Variants in CROCC2 observed in about 807,000 individuals in gnomAD.
CROCC2 encodes the protein ciliary rootlet coiled-coil protein 2.
Under a neutral mutation model 177.6 loss-of-function variants are expected in CROCC2, and 163 were observed. The ratio of observed to expected loss-of-function variants is 0.92; its 90% CI spans 0.81 to 1.05. CROCC2 has a LOEUF of 1.05. Among genes scored for constraint, CROCC2 ranks in the 50% least tolerant of loss-of-function variants. CROCC2 has a pLI of 0.00. For synonymous variants in CROCC2, 904 were observed against 787.3 expected, an observed-to-expected ratio of 1.15 and a Z score of -2.48; for missense variants, 1,929 against 1,797.8, an observed-to-expected ratio of 1.07 and a Z score of -1.32.
Position 240,932,839 on chromosome 2 carries a change from C to A in CROCC2, c.1182C>A (p.Ser394=). 6.5e-7 allele frequency: 1 copy of A among 1,544,820 alleles called. No individual in the cohort carries two copies. ...GGGCGTCCCCACCACACATCTGCTC[C>A]CCAGCCACCCTGGACCCCGCACTGC... ...HQGASPPHIC[S]PATLDPALQA... The change falls in exon 9 of 32, where the codon TCC becomes TCA. Residue 394 remains serine, a synonymous_variant. Transcript: ENST00000690015.
chr2:240,925,633 T>C (rs2059390963), intron 4 of CROCC2, 91 bp from the exon 5 acceptor site: 1 of 621,800 alleles, frequency 1.6e-6, no homozygotes, highest in African/African-American at 1.8e-5. Flanking sequence ...GGGTTTGGGG[T>C]TCCATTCAAG....
chr2:240,921,280 G>A (rs1350538880), intron 3 of CROCC2, among the ~76,000 whole-genome samples: 1 of 152,104 alleles, frequency 6.6e-6, no homozygotes, highest in African/African-American at 2.4e-5. Context: ...ATCACGCCCT[G>A]ACCCCCACAC....
chr2:240,933,462 T>G, intron 10 of CROCC2, 120 bp downstream of exon 10: 1 of 1,189,358 alleles, frequency 8.4e-7, no homozygotes, highest in Non-Finnish European at 1.1e-6. Context: ...GGAGGGGTCC[T>G]TGCCTTCTAG....
At chr2:240,985,818 C>A in intron 28 of CROCC2, 1 of 393,884 alleles carries the variant, frequency 2.5e-6, no homozygotes, top group Non-Finnish European at 5.2e-6. Context: ...CCCAGGCACT[C>A]ACTCCACACA....
chr2:240,926,279 C>A (rs1190298753), intron 5 of CROCC2, among the ~76,000 whole-genome samples: 1 of 152,220 alleles, frequency 6.6e-6, no homozygotes, highest in Non-Finnish European at 1.5e-5. Flanking sequence ...TGGCCGTGGC[C>A]CCCCAGGTCC....
rs2059605598 is a variant in CROCC2, at chr2:240,958,165, G to GGC, written c.2944-1133_2944-1132dup. 1 of 985,304 alleles carries GGC rather than the reference G, an allele frequency of 1.0e-6. No individual in the cohort carries two copies. The highest frequency in any genetic ancestry group is 4.7e-5 in the South Asian group (1 of 21,296). 61.0% of individuals were successfully genotyped at this position (985,304 alleles called of 1,614,324 possible). A position where few individuals can be genotyped will look rare whatever the true frequency, so the allele number is the denominator to read the frequency against. On this transcript the variant is annotated intron_variant, in intron 19 of 31. Transcript: ENST00000690015. This position sits in a 1 kb window ranked among gnomAD's most constrained non-coding sequence, Gnocchi z 6.7. ...GAGGAATGCCGGCCAAGGAGCACCA[G>GGC]GCGCCAGATGACAGGACAGCGTGCG...
Position 240,988,890 on chromosome 2 carries a change from C to G in CROCC2, c.4683+20C>G. 2.1e-6 allele frequency: 3 copies of G among 1,431,176 alleles called. No individual in the cohort carries two copies. The South Asian group carries it at 4.6e-5, about 22-fold the overall frequency. The allele number at this position is 1,431,176 out of a possible 1,614,324, so 88.7% of individuals were successfully genotyped here. ...CTGCAGGTCAACTGGGCCAGTGGAG[C>G]TCTGCATACCCCAGGCCTGGGGGCA... On this transcript the variant is annotated intron_variant, in intron 29 of 31. Transcript: ENST00000690015.
Position 240,982,671 on chromosome 2 carries a change from C to T in CROCC2, c.4402-209C>T, listed in dbSNP as rs1224317806. On this transcript the variant is annotated intron_variant, in intron 27 of 31. Transcript: ENST00000690015. The surrounding 1 kb of genome is among the most constrained non-coding windows in gnomAD (Gnocchi z 4.7). ...CCCCCAGGACTTTCGTCTCAGGCTT[C>T]CTGGGGGTCCACACCTTTGAGGTTA... 3 of 505,140 alleles carry T rather than the reference C, an allele frequency of 5.9e-6. No homozygotes were observed. The highest frequency in any genetic ancestry group is 3.5e-6 in the Non-Finnish European group (1 of 288,278). 31.3% of individuals were successfully genotyped at this position (505,140 alleles called of 1,614,324 possible).
At chr2:240,943,574 GC>G (rs1412132672) in intron 14 of CROCC2, among the ~76,000 whole-genome samples, 4 of 148,756 alleles carry the variant, frequency 2.7e-5, no homozygotes, top group Non-Finnish European at 4.5e-5. Context: ...TGCAACCTCC[GC>G]CTCCTGGGTT....
At chr2:240,913,002 G>A (rs1245665701) in intron 1 of CROCC2, among the ~76,000 whole-genome samples, 2 of 152,196 alleles carry the variant, frequency 1.3e-5, no homozygotes, top group Non-Finnish European at 2.9e-5. Flanking sequence ...AGAGGCAGAT[G>A]CTCAGCCCAT....
chr2:240,984,344 C>T (rs2059821109), intron 28 of CROCC2, among the ~76,000 whole-genome samples: 1 of 152,022 alleles, frequency 6.6e-6, no homozygotes, highest in African/African-American at 2.4e-5. Context: ...GAGGGGCGCA[C>T]AGCCGCCAGG....
chr2:240,958,040 G>A lies in CROCC2; in HGVS notation c.2944-1261G>A. The A allele has an allele frequency of 3.0e-6, 3 of 985,406 alleles. No homozygotes were observed. Among genetic ancestry groups the A allele is most frequent in the Non-Finnish European group, 3.6e-6 (3 of 829,924 alleles). The allele number at this position is 985,406 out of a possible 1,614,324, so 61.0% of individuals were successfully genotyped here. A position where few individuals can be genotyped will look rare whatever the true frequency, so the allele number is the denominator to read the frequency against. Reference sequence around the variant, plus strand: ...GAGTCTCCCCCGGACTCGGTACCAGGCCTGCCAGCCAGCCGGCCTTCCTGG... The same window carrying A: ...GAGTCTCCCCCGGACTCGGTACCAGACCTGCCAGCCAGCCGGCCTTCCTGG... On this transcript the variant is annotated intron_variant, in intron 19 of 31. Transcript: ENST00000690015. This position sits in a 1 kb window ranked among gnomAD's most constrained non-coding sequence, Gnocchi z 6.7.
At chr2:240,981,489 G>C (rs1187876225) in intron 27 of CROCC2, 2 of 152,202 alleles carry the variant, frequency 1.3e-5, no homozygotes, top group Non-Finnish European at 2.9e-5. Context: ...GGGGCCAGTG[G>C]GGCTGTGCAT....
In CROCC2 at chr2:240,973,453, G is replaced by A. The variant is rs149284329; in HGVS notation, c.4401+5191G>A. 5.8e-3 allele frequency among the ~76,000 whole-genome samples: 876 copies of A among 152,018 alleles called. 7 individuals are homozygous for A. The highest frequency in any genetic ancestry group is 9.9e-3 in the Non-Finnish European group (674 of 67,984). On this transcript the variant is annotated intron_variant, in intron 27 of 31. Coordinates refer to ENST00000690015, the MANE Select transcript of CROCC2 (RefSeq NM_001351305.2). This position sits in a 1 kb window ranked among gnomAD's most constrained non-coding sequence, Gnocchi z 4.7. ...CCCCCCATGCCACCCTTGGACTGGC[G>A]CCCAGTCACAGCCTCCGTGGCTCAG...
At position 240,934,356 on chromosome 2, in the gene CROCC2, G is replaced by A. The variant is rs1361525318; in HGVS notation, c.1672G>A (p.Glu558Lys). The A allele has an allele frequency of 3.2e-6, 5 of 1,548,568 alleles. No individual in the cohort carries two copies. The highest frequency in any genetic ancestry group is 4.4e-6 in the Non-Finnish European group (5 of 1,146,916). The stretch of plus-strand genomic sequence containing the variant: ...TCAAGGCCGCCTGCAGCAGCTGGAG[G>A]AGAAGGTCTCCGGGCTCAGAGAGGA... Reference protein sequence around the residue: ...TSQGRLQQLEEKVSGLREELA... With the variant: ...TSQGRLQQLEKKVSGLREELA... The change falls in exon 12 of 32, where the codon GAG (glutamate) becomes AAG (lysine). Residue 558 changes from glutamate to lysine, a missense_variant. Transcript: ENST00000690015.
chr2:240,936,149 C>T (rs532395235), intron 14 of CROCC2, among the ~76,000 whole-genome samples: 174 of 152,330 alleles, frequency 1.1e-3, no homozygotes, highest in Admixed American at 3.5e-3. Context: ...ACCCTCCTTC[C>T]GTTTTCAGAT....
chr2:240,966,904 C>T (rs1340929094), intron 25 of CROCC2, among the ~76,000 whole-genome samples: 2 of 151,880 alleles, frequency 1.3e-5, no homozygotes, highest in Non-Finnish European at 2.9e-5. Context: ...AGGCCCTGAG[C>T]CCTGGCCAGG....
At chr2:240,913,510 C>T (rs541892238) in intron 1 of CROCC2, among the ~76,000 whole-genome samples, 3 of 152,316 alleles carry the variant, frequency 2.0e-5, no homozygotes, top group East Asian at 1.9e-4. Context: ...GCGCTGTGTC[C>T]GAGCCTGTCT....
intron 5 of CROCC2, among the ~76,000 whole-genome samples, chr2:240,926,617 G>A (rs533027225): frequency 1.2e-3 from 184 of 152,224 alleles, no homozygotes; most frequent in African/African-American, 4.2e-3. Flanking sequence ...TGCGCCAGGT[G>A]GAGGCAGGAG....
Sources: gnomAD v4.1 joint callset for allele counts (sites outside exome capture counted in the v4.1 genomes callset) on GRCh38, gnomAD v4.1.1 for gene constraint, Gnocchi (gnomAD v3.1) non-coding constraint, MANE v1.5 for transcripts, NCBI Gene and HGNC (gene_info 2026-07-23, HGNC 2026-07-21) for gene names.